The following SRGAP2 variants were observed in gnomAD, a reference collection of about 807,000 sequenced individuals.
SRGAP2 encodes the protein SLIT-ROBO Rho GTPase-activating protein 2.
SRGAP2 carries 15 observed loss-of-function variants against 57.2 expected under a neutral mutation model. The observed-to-expected ratio is 0.26, with a 90% CI of 0.18 to 0.40. The LOEUF (loss-of-function observed/expected upper bound fraction) is 0.40. Among genes scored for constraint, SRGAP2 ranks in the 10% least tolerant of loss-of-function variants. The pLI is 1.00. For missense variants in SRGAP2, 520 were observed against 669.6 expected (o/e 0.78, Z 2.47); for synonymous variants, 249 against 248.0 (o/e 1.00, Z -0.04).
rs781912772 is a variant in SRGAP2, at chr1:206,454,891, G to A, written c.2374G>A (p.Val792Met). The A allele has an allele frequency of 1.2e-5, 9 of 774,694 alleles. No homozygotes were observed. Among genetic ancestry groups the A allele is most frequent in the African/African-American group, 1.7e-5 (1 of 58,990 alleles). 48.0% of individuals were successfully genotyped at this position (774,694 alleles called of 1,614,324 possible). ...CTTCTCCCCCAGCGAGGACGGTGTC[G>A]TGGAGAGGTCCAGCCCCAAGTCTGA... ...IVVQDTEDGV[V>M]ERSSPKSEIE... The change falls in exon 21 of 23, where the codon GTG becomes ATG. Residue 792 changes from valine (V) to methionine (M), a missense_variant. Physicochemically the swap from Val to Met is conservative, Grantham distance 21. Transcript: ENST00000573034. The surrounding 1 kb of genome is among the most constrained non-coding windows in gnomAD (Gnocchi z 4.3).
At chr1:206,411,265 T>C (rs1659198738) in intron 10 of SRGAP2, among the ~76,000 whole-genome samples, 1 of 152,158 alleles carries the variant, frequency 6.6e-6, no homozygotes, top group South Asian at 2.1e-4. Context: ...AGCTAAACAG[T>C]CTGAATTCTT....
intron 4 of SRGAP2, among the ~76,000 whole-genome samples, chr1:206,365,985 G>A (rs570185151): frequency 1.3e-5 from 2 of 152,214 alleles, no homozygotes; most frequent in African/African-American, 2.4e-5. Flanking sequence ...CTTTTTTCTA[G>A]TTCTGCATTC....
At chr1:206,342,248 G>A (rs1340062392) in intron 3 of SRGAP2, among the ~76,000 whole-genome samples, 3 of 152,152 alleles carry the variant, frequency 2.0e-5, no homozygotes, top group South Asian at 2.1e-4. Context: ...CATTTGTGGG[G>A]ATTTTGTAGT....
At chr1:206,209,795 G>A (rs570596377) in intron 2 of SRGAP2, among the ~76,000 whole-genome samples, 9 of 151,520 alleles carry the variant, frequency 5.9e-5, no homozygotes, top group South Asian at 2.1e-4. Flanking sequence ...TGGTATTTGC[G>A]TATAACCTAT....
At chr1:206,278,984 A>C (rs1670573545) in intron 2 of SRGAP2, among the ~76,000 whole-genome samples, 1 of 148,888 alleles carries the variant, frequency 6.7e-6, no homozygotes, top group East Asian at 2.0e-4. Context: ...GCCTGATTAC[A>C]TCATACCATG....
At chr1:206,417,841 C>G (rs1292929693) in intron 11 of SRGAP2, among the ~76,000 whole-genome samples, 1 of 151,876 alleles carries the variant, frequency 6.6e-6, no homozygotes, top group Non-Finnish European at 1.5e-5. Context: ...GAGGGCCAAA[C>G]TTTGCTTATA....
Position 206,372,985 on chromosome 1 carries a change from CTTTCTTTCTTTCTT to C in SRGAP2, c.424-11027_424-11014del, listed in dbSNP as rs1553342970. The stretch of plus-strand genomic sequence containing the variant: ...CTTTCCTTTCTTTCTTTCTTTCTTT[CTTTCTTTCTTTCTT>C]TCTTTCTTTCTTTCTTTCTTTCTTT... On this transcript the variant is annotated intron_variant, in intron 4 of 22. Coordinates refer to ENST00000573034, the MANE Select transcript of SRGAP2 (RefSeq NM_015326.5). Among the ~76,000 whole-genome samples the C allele has an allele frequency of 2.0e-3, 166 of 81,424 alleles. 6 individuals carry two copies. The highest frequency in any genetic ancestry group is 8.8e-3 in the African/African-American group (162 of 18,504). 53.4% of individuals were successfully genotyped at this position (81,424 alleles called of 152,430 possible).
intron 4 of SRGAP2, among the ~76,000 whole-genome samples, chr1:206,350,905 C>A (rs201882006): frequency 6.6e-6 from 1 of 152,010 alleles, no homozygotes; most frequent in Admixed American, 6.6e-5. Context: ...TTCTCCGGGG[C>A]CTTGGAGATG....
intron 3 of SRGAP2, among the ~76,000 whole-genome samples, chr1:206,335,626 A>G (rs1316231088): frequency 6.6e-5 from 10 of 152,152 alleles, no homozygotes; most frequent in South Asian, 4.2e-4. Flanking sequence ...AGGAGGCTCA[A>G]TTAATATTTG....
chr1:206,439,870 A>G (rs782470294), intron 16 of SRGAP2, 106 bp from the exon 17 acceptor site: 8 of 688,022 alleles, frequency 1.2e-5, no homozygotes, highest in Non-Finnish European at 1.9e-5. Context: ...CGTGGGCTTG[A>G]TCTGATGCTG....
intron 14 of SRGAP2, among the ~76,000 whole-genome samples, chr1:206,433,904 A>G (rs944271792): frequency 2.1e-4 from 32 of 152,224 alleles, no homozygotes; most frequent in African/African-American, 7.0e-4. Flanking sequence ...TATTTTATAT[A>G]TATTCTAGGA....
chr1:206,212,306 A>C (rs1666363730), intron 2 of SRGAP2, among the ~76,000 whole-genome samples: 1 of 133,408 alleles, frequency 7.5e-6, no homozygotes, highest in African/African-American at 2.9e-5. Flanking sequence ...CAGCCTCCGA[A>C]GTAGCTGGGG....
In SRGAP2 at chr1:206,210,412, T is replaced by G. The variant is rs1309150632; in HGVS notation, c.67+4375T>G. Among the ~76,000 whole-genome samples the G allele has an allele frequency of 3.5e-5, 5 of 143,312 alleles. No homozygotes were observed. The East Asian group carries it at 9.9e-4, about 28-fold the overall frequency. 94.0% of individuals were successfully genotyped at this position (143,312 alleles called of 152,430 possible). On this transcript the variant is annotated intron_variant, in intron 2 of 22. Coordinates refer to ENST00000573034, the MANE Select transcript of SRGAP2 (RefSeq NM_015326.5). Reference sequence around the variant, plus strand: ...ACATTAGGGGTCTTGTCTTTTTTTTTTTTTTTTTTTTTTTTTTTAATGTCT... The same window carrying G: ...ACATTAGGGGTCTTGTCTTTTTTTTGTTTTTTTTTTTTTTTTTTAATGTCT...
chr1:206,395,979 A>T (rs1553353214), intron 7 of SRGAP2, among the ~76,000 whole-genome samples: 1 of 142,592 alleles, frequency 7.0e-6, no homozygotes, highest in Non-Finnish European at 1.5e-5. Context: ...AAAGTTTCTC[A>T]TGTTTCTTTT....
In SRGAP2 at chr1:206,437,002, C is replaced by T. The variant is rs1553370263; in HGVS notation, c.1593C>T (p.Ser531=). 1 of 780,678 alleles carries T rather than the reference C, an allele frequency of 1.3e-6. No homozygotes were observed. Among genetic ancestry groups the T allele is most frequent in the Admixed American group, 1.7e-5 (1 of 59,026 alleles). 48.4% of individuals were successfully genotyped at this position (780,678 alleles called of 1,614,324 possible). A position where few individuals can be genotyped will look rare whatever the true frequency, so the allele number is the denominator to read the frequency against. The change falls in exon 15 of 23, where the codon TCC becomes TCT. Residue 531 remains serine (S), a synonymous_variant. Coordinates refer to ENST00000573034, the MANE Select transcript of SRGAP2 (RefSeq NM_015326.5). The stretch of plus-strand genomic sequence containing the variant: ...AAGGAATTTTCCGGGTGTCAGGATC[C>T]CAGGTGGAAGTGAATGACATCAAAA... ...QHEGIFRVSG[S]QVEVNDIKNA... is the part of the protein sequence containing the mutation.
chr1:206,460,820 T>C (rs1367115020), intron 22 of SRGAP2, among the ~76,000 whole-genome samples: 1 of 26,304 alleles, frequency 3.8e-5, no homozygotes, highest in Non-Finnish European at 7.8e-5. Context: ...CAATTACTTT[T>C]TCTAAAGGAA....
chr1:206,418,666 A>G (rs1408627409), intron 11 of SRGAP2, among the ~76,000 whole-genome samples: 9 of 152,086 alleles, frequency 5.9e-5, no homozygotes, highest in Non-Finnish European at 1.3e-4. Flanking sequence ...TTTCAGTTTC[A>G]TTTTTTTAAA....
intron 3 of SRGAP2, among the ~76,000 whole-genome samples, chr1:206,307,652 C>T (rs1343072018): frequency 1.3e-5 from 2 of 152,236 alleles, no homozygotes; most frequent in African/African-American, 4.8e-5. Context: ...GATGGGCCGG[C>T]ACTGCTGGGG....
chr1:206,442,913 G>A (rs916699410), intron 17 of SRGAP2, among the ~76,000 whole-genome samples: 1 of 152,108 alleles, frequency 6.6e-6, no homozygotes, highest in South Asian at 2.1e-4. Context: ...AGTCCTGGAT[G>A]TATGTGTACT....
Sources: gnomAD v4.1 joint callset for allele counts (sites outside exome capture counted in the v4.1 genomes callset) on GRCh38, gnomAD v4.1.1 for gene constraint, Gnocchi (gnomAD v3.1) non-coding constraint, MANE v1.5 for transcripts, NCBI Gene and HGNC (gene_info 2026-07-23, HGNC 2026-07-21) for gene names.